Variants in GRAMD2A observed in about 807,000 individuals in gnomAD.
GRAMD2A encodes the protein GRAM domain-containing protein 2A.
In GRAMD2A, 37 loss-of-function variants were observed where a neutral mutation model predicts 51.1. The observed-to-expected ratio is 0.72, with a 90% CI of 0.56 to 0.95. The LOEUF is 0.95. Ranked by LOEUF, GRAMD2A falls within the 40% of genes least tolerant of loss-of-function variation. GRAMD2A has a pLI of 0.00. For synonymous variants in GRAMD2A, 136 were observed against 157.1 expected (o/e 0.87, Z 1.01); for missense variants, 414 against 426.9 (o/e 0.97, Z 0.27).
chr15:72,167,544 CCT>C, intron 5 of GRAMD2A, among the ~76,000 whole-genome samples, 190 bp downstream of exon 5: 1 of 152,338 alleles, frequency 6.6e-6, no homozygotes, highest in Middle Eastern at 3.4e-3. Flanking sequence ...AGATTGGGCC[CCT>C]GTTTTTGAAG....
chr15:72,164,137 C>T (rs2081513859), intron 8 of GRAMD2A, among the ~76,000 whole-genome samples: 1 of 152,180 alleles, frequency 6.6e-6, no homozygotes, highest in Non-Finnish European at 1.5e-5. Flanking sequence ...GCAGGGAGGA[C>T]TTAGCGTCCC....
chr15:72,178,767 G>A (rs538785882), intron 1 of GRAMD2A, among the ~76,000 whole-genome samples: 3 of 151,474 alleles, frequency 2.0e-5, no homozygotes, highest in Non-Finnish European at 4.4e-5. Context: ...GTAGAGAAGG[G>A]GTTTCACCGT....
chr15:72,169,858 G>T lies in GRAMD2A; in HGVS notation c.123C>A (p.Pro41=). The T allele has an allele frequency of 6.2e-7, 1 of 1,613,254 alleles. No homozygotes were observed. Among genetic ancestry groups the T allele is most frequent in the African/African-American group, 1.3e-5 (1 of 75,018 alleles). Residue 41 remains proline, a synonymous_variant, in exon 2 of 12, where the codon CCC becomes CCA. Transcript: ENST00000309731. ...CKEKPDRVEE[P]PDYSLHWPEG... is the part of the protein sequence containing the mutation. Reference sequence around the variant, plus strand: ...AAAGGGGTCCTCACCTGTAGTCCGGGGGCTCCTCAACTCTGTCTGGTTTCT... The same window carrying T: ...AAAGGGGTCCTCACCTGTAGTCCGGTGGCTCCTCAACTCTGTCTGGTTTCT...
Position 72,162,980 on chromosome 15 carries a change from CCTT to C in GRAMD2A, c.956+283_956+285del, listed in dbSNP as rs1339047543. The stretch of plus-strand genomic sequence containing the variant: ...CTCTCTCTCCAATTTTCCTGGCCCT[CCTT>C]CTCCCAAATCCTTTTCCTCTTCTCA... On this transcript the variant is annotated intron_variant, in intron 10 of 11. Transcript: ENST00000309731. 4.4e-5 allele frequency: 16 copies of C among 366,518 alleles called. No individual in the cohort carries two copies. In the Middle Eastern group the frequency reaches 2.3e-3, roughly 53 times the overall value. The allele number at this position is 366,518 out of a possible 1,614,324, so 22.7% of individuals were successfully genotyped here.
In GRAMD2A at chr15:72,161,013, G is replaced by A. The variant is rs1414451218; in HGVS notation, c.*996C>T. ...ACACAAGTGACCTCTGCCCTGTGAT[G>A]GCTCAACACCATCACACGCAACTGT... On this transcript the variant is annotated 3_prime_UTR_variant, in exon 12 of 12. Transcript: ENST00000309731. 6.6e-6 allele frequency: 1 copy of A among 152,202 alleles called. No individual in the cohort carries two copies. The highest frequency in any genetic ancestry group is 1.9e-4 in the East Asian group (1 of 5,184). The allele number at this position is 152,202 out of a possible 1,614,324, so 9.4% of individuals were successfully genotyped here.
intron 11 of GRAMD2A, 48 bp downstream of exon 11, chr15:72,162,225 G>T: frequency 6.8e-7 from 1 of 1,472,912 alleles, no homozygotes; most frequent in South Asian, 1.1e-5. Context: ...CTTGGCTCCT[G>T]TCCTCAACCC....
chr15:72,187,327 G>C lies in GRAMD2A; in HGVS notation c.41+10404C>G, dbSNP rs932593066. On this transcript the variant is annotated intron_variant, in intron 1 of 11. Transcript: ENST00000309731. ...GTTTTGTTTGAACTTATACTAACAG[G>C]TATAAGTTCCCATCTGCTACTTGGG... Among the ~76,000 whole-genome samples the C allele has an allele frequency of 1.5e-4, 22 of 151,632 alleles. 1 individual carries two copies. In the South Asian group the frequency reaches 2.9e-3, roughly 20 times the overall value.
chr15:72,163,274 G>A lies in GRAMD2A; in HGVS notation c.948C>T (p.Phe316=), dbSNP rs1247453389. The change falls in exon 10 of 12, where the codon TTC becomes TTT. Residue 316 remains phenylalanine, a synonymous_variant. Coordinates refer to ENST00000309731, the MANE Select transcript of GRAMD2A (RefSeq NM_001012642.3). The part of the protein sequence containing the change: ...RLWDYRLLKV[F]FVLICFLVMS... ...CCAGTATAGTCACTTACAGCACAAA[G>A]AAGACCTTGAGGAGCCGGTAATCCC... 37 of 1,613,190 alleles carry A rather than the reference G, an allele frequency of 2.3e-5. No homozygotes were observed. The highest frequency in any genetic ancestry group is 3.0e-5 in the Non-Finnish European group (35 of 1,179,160).
At chr15:72,186,830 A>C (rs577299806) in intron 1 of GRAMD2A, among the ~76,000 whole-genome samples, 5 of 152,266 alleles carry the variant, frequency 3.3e-5, no homozygotes, top group African/African-American at 1.2e-4. Flanking sequence ...ATGGAAAAAA[A>C]GTCCAACATG....
chr15:72,159,879 TG>T lies in GRAMD2A; in HGVS notation c.*2129del, dbSNP rs1313201584. On this transcript the variant is annotated 3_prime_UTR_variant, in exon 12 of 12. Coordinates refer to ENST00000309731, the MANE Select transcript of GRAMD2A (RefSeq NM_001012642.3). ...AGGCCATAGCAAAACAACCCAAGGGTGGTTGAATCAAACTCAGGGAATTAGA... is the reference window on the plus strand; with the variant it reads ...AGGCCATAGCAAAACAACCCAAGGGTGTTGAATCAAACTCAGGGAATTAGA... 1 of 152,000 alleles carries T rather than the reference TG, an allele frequency of 6.6e-6. No individual in the cohort carries two copies. Among genetic ancestry groups the T allele is most frequent in the Non-Finnish European group, 1.5e-5 (1 of 67,994 alleles). 9.4% of individuals were successfully genotyped at this position (152,000 alleles called of 1,614,324 possible). A position where few individuals can be genotyped will look rare whatever the true frequency, so the allele number is the denominator to read the frequency against.
At chr15:72,197,405 G>A (rs949243986) in intron 1 of GRAMD2A, among the ~76,000 whole-genome samples, 1 of 152,224 alleles carries the variant, frequency 6.6e-6, no homozygotes, top group Admixed American at 6.5e-5. Context: ...GTGGCGAGGC[G>A]GAGATGGGCC....
rs2081548064 is a variant in GRAMD2A, at chr15:72,166,628, A to C, written c.543+4T>G. ...CCTGGCCTTCCTGCTCCCAAGCTCC[A>C]TACCTGTAGGTGGGTGCAGACTCTC... On this transcript the variant is annotated splice_donor_region_variant and intron_variant, in intron 7 of 11. Coordinates refer to ENST00000309731, the MANE Select transcript of GRAMD2A (RefSeq NM_001012642.3). The surrounding 1 kb of genome is among the most constrained non-coding windows in gnomAD (Gnocchi z 4.1). The C allele has an allele frequency of 6.2e-7, 1 of 1,612,110 alleles. No individual in the cohort carries two copies. Among genetic ancestry groups the C allele is most frequent in the South Asian group, 1.1e-5 (1 of 91,036 alleles).
intron 1 of GRAMD2A, among the ~76,000 whole-genome samples, chr15:72,181,428 G>A (rs918499427): frequency 1.3e-5 from 2 of 152,216 alleles, no homozygotes; most frequent in East Asian, 1.9e-4. Context: ...GTAGCTGGGT[G>A]ATACATACGT....
rs1183137948 is a variant in GRAMD2A, at chr15:72,197,783, C to CACCCAGCGCCCCGACCGCGCGCCGGG, written c.-13_-12insCCCGGCGCGCGGTCGGGGCGCTGGGT. 4 of 1,273,618 alleles carry CACCCAGCGCCCCGACCGCGCGCCGGG rather than the reference C, an allele frequency of 3.1e-6. No homozygotes were observed. In the South Asian group the frequency reaches 9.1e-5, roughly 29 times the overall value. 78.9% of individuals were successfully genotyped at this position (1,273,618 alleles called of 1,614,324 possible). ...CTTAAAGCGGTCATCCCGGCGCCTG[C>CACCCAGCGCCCCGACCGCGCGCCGGG]ACCCAGCGCCCCGACCGCGCGCCGG... On this transcript the variant is annotated 5_prime_UTR_variant, in exon 1 of 12. Coordinates refer to ENST00000309731, the MANE Select transcript of GRAMD2A (RefSeq NM_001012642.3).
intron 5 of GRAMD2A, 56 bp from the exon 6 acceptor site, chr15:72,167,148 T>C: frequency 7.5e-7 from 1 of 1,333,856 alleles, no homozygotes; most frequent in East Asian, 2.3e-5. Flanking sequence ...GTGGTCCCTT[T>C]GCTCCCTGCC....
At chr15:72,172,122 G>C (rs942938095) in intron 1 of GRAMD2A, among the ~76,000 whole-genome samples, 11 of 149,224 alleles carry the variant, frequency 7.4e-5, no homozygotes, top group Admixed American at 7.3e-4. Context: ...CACCACGCCC[G>C]GCCTTTTTTT....
chr15:72,186,995 C>T (rs77341355), intron 1 of GRAMD2A, among the ~76,000 whole-genome samples: 1 of 109,192 alleles, frequency 9.2e-6, no homozygotes, highest in Non-Finnish European at 1.9e-5. Context: ...AATAAAAATA[C>T]AAAAAAAAAA....
intron 1 of GRAMD2A, among the ~76,000 whole-genome samples, chr15:72,178,573 T>C (rs1276045337): frequency 7.5e-6 from 1 of 133,818 alleles, no homozygotes; most frequent in Non-Finnish European, 1.6e-5. Context: ...ACTTTCTTTT[T>C]TTTTTTTTTT....
intron 1 of GRAMD2A, among the ~76,000 whole-genome samples, chr15:72,178,735 C>CGGCTAATTT: frequency 6.6e-6 from 1 of 151,712 alleles, no homozygotes; most frequent in Non-Finnish European, 1.5e-5. Context: ...CCACCACGCC[C>CGGCTAATTT]GGCTAATTTT....
Sources: gnomAD v4.1 joint callset for allele counts (sites outside exome capture counted in the v4.1 genomes callset) on GRCh38, gnomAD v4.1.1 for gene constraint, Gnocchi (gnomAD v3.1) non-coding constraint, MANE v1.5 for transcripts, NCBI Gene and HGNC (gene_info 2026-07-23, HGNC 2026-07-21) for gene names.